The following MYO9B variants were observed in gnomAD, a reference collection of about 807,000 sequenced individuals.
The protein encoded by MYO9B is unconventional myosin-IXb.
Under a neutral mutation model 229.5 loss-of-function variants are expected in MYO9B, and 71 were observed. The ratio of observed to expected loss-of-function variants is 0.31; its 90% CI spans 0.26 to 0.38. The LOEUF (loss-of-function observed/expected upper bound fraction) is 0.38, where lower values mean the gene tolerates loss of function less well. Among genes scored for constraint, MYO9B ranks in the 10% least tolerant of loss-of-function variants. The pLI, the probability that MYO9B is intolerant of heterozygous loss-of-function variation, is 1.00. For synonymous variants in MYO9B, 1,185 were observed against 1,235.8 expected, an observed-to-expected ratio of 0.96 and a Z score of 0.86; for missense variants, 2,255 against 2,920.5, an observed-to-expected ratio of 0.77 and a Z score of 5.25.
At chr19:17,142,350 G>A (rs1303434679) in intron 2 of MYO9B, among the ~76,000 whole-genome samples, 1 of 152,060 alleles carries the variant, frequency 6.6e-6, no homozygotes, top group Non-Finnish European at 1.5e-5. Flanking sequence ...TCTCCTTTTC[G>A]GGGGATCAGA....
At chr19:17,121,844 G>A (rs1176131851) in intron 2 of MYO9B, among the ~76,000 whole-genome samples, 1 of 152,010 alleles carries the variant, frequency 6.6e-6, no homozygotes, top group Non-Finnish European at 1.5e-5. Context: ...CAATTGGCCC[G>A]GCACAGTGCT....
At chr19:17,145,552 C>A in intron 3 of MYO9B, 61 bp downstream of exon 3, 2 of 1,355,542 alleles carry the variant, frequency 1.5e-6, no homozygotes, top group Non-Finnish European at 2.1e-6. Flanking sequence ...TGCTTCCTGA[C>A]ACACACATGG....
chr19:17,146,196 T>G (rs2072408764), intron 3 of MYO9B, among the ~76,000 whole-genome samples: 1 of 151,488 alleles, frequency 6.6e-6, no homozygotes, highest in South Asian at 2.1e-4. Context: ...GATGGATGGA[T>G]GGATGGATGG....
chr19:17,101,640 G>A lies in MYO9B; in HGVS notation c.-58-20G>A, dbSNP rs2057745404. The A allele has an allele frequency of 1.4e-6, 2 of 1,464,216 alleles. No individual in the cohort carries two copies. Among genetic ancestry groups the A allele is most frequent in the African/African-American group, 2.8e-5 (2 of 70,524 alleles). The allele number at this position is 1,464,216 out of a possible 1,614,324, so 90.7% of individuals were successfully genotyped here. On this transcript the variant is annotated intron_variant, in intron 1 of 39. Coordinates refer to ENST00000682292, the MANE Select transcript of MYO9B (RefSeq NM_004145.4). The surrounding 1 kb of genome is among the most constrained non-coding windows in gnomAD (Gnocchi z 4.7). ...TCCTCCCACCATTCTGACCATGCCTGGCTCTGACCTCCCTTCTAGCTCCAG... is the reference window on the plus strand; with the variant it reads ...TCCTCCCACCATTCTGACCATGCCTAGCTCTGACCTCCCTTCTAGCTCCAG...
At chr19:17,162,235 G>A (rs1019705557) in intron 8 of MYO9B, 115 bp from the exon 9 acceptor site, 12 of 774,742 alleles carry the variant, frequency 1.5e-5, no homozygotes, top group Admixed American at 2.3e-5. Context: ...AACCCAGGAG[G>A]TGGAGGTTGC....
At chr19:17,092,722 C>CAAAAA (rs3067821) in intron 1 of MYO9B, among the ~76,000 whole-genome samples, 1 of 97,656 alleles carries the variant, frequency 1.0e-5, no homozygotes, top group Non-Finnish European at 2.1e-5. Flanking sequence ...AAGGCTCCGT[C>CAAAAA]AAAAAAAAAA....
At chr19:17,139,142 A>G (rs1193195133) in intron 2 of MYO9B, among the ~76,000 whole-genome samples, 1 of 152,140 alleles carries the variant, frequency 6.6e-6, no homozygotes, top group African/African-American at 2.4e-5. Flanking sequence ...ATGCCACTGC[A>G]CTCCAGCCTG....
Position 17,206,363 on chromosome 19 carries a change from C to T in MYO9B, c.5373C>T (p.Phe1791=), listed in dbSNP as rs756298108. The T allele has an allele frequency of 1.2e-6, 2 of 1,610,402 alleles. No individual in the cohort carries two copies. The highest frequency in any genetic ancestry group is 1.7e-6 in the Non-Finnish European group (2 of 1,179,572). The change falls in exon 33 of 40, where the codon TTC becomes TTT. Residue 1791 remains phenylalanine (F), a synonymous_variant. Coordinates refer to ENST00000682292, the MANE Select transcript of MYO9B (RefSeq NM_004145.4). The part of the protein sequence containing the change: ...PLMTFAQYGD[F]LRAVELPEKQ... ...TGACCTTCGCACAGTACGGCGACTT[C>T]CTCCGAGCCGTCGGTGAGCCCCATG...
intron 13 of MYO9B, among the ~76,000 whole-genome samples, chr19:17,175,037 G>A (rs1049176430): frequency 1.3e-5 from 2 of 151,884 alleles, no homozygotes; most frequent in African/African-American, 4.8e-5. Context: ...AGCACTTTAG[G>A]AGGCCAAGAC....
At chr19:17,210,920 G>A in intron 38 of MYO9B, 72 bp downstream of exon 38, 1 of 1,547,098 alleles carries the variant, frequency 6.5e-7, no homozygotes, top group Non-Finnish European at 8.7e-7. Context: ...CATCCCTGGT[G>A]GTCCGCTTGA....
At chr19:17,157,955 CG>C (rs2072555490) in intron 7 of MYO9B, among the ~76,000 whole-genome samples, 2 of 152,142 alleles carry the variant, frequency 1.3e-5, no homozygotes, top group South Asian at 4.1e-4. Flanking sequence ...CCTCCTCCAC[CG>C]GTTCTCAGCC....
Position 17,212,289 on chromosome 19 carries a change from C to G in MYO9B, c.6453C>G (p.Ala2151=), listed in dbSNP as rs777317443. The change falls in exon 40 of 40, where the codon GCC becomes GCG. Residue 2151 remains alanine, a synonymous_variant. Coordinates refer to ENST00000682292, the MANE Select transcript of MYO9B (RefSeq NM_004145.4). This position sits in a 1 kb window ranked among gnomAD's most constrained non-coding sequence, Gnocchi z 5.4. ...CCCCAACGTACTGCCTGCCCCCCGC[C>G]TCGGGCCAGACCAATGGCTGAGAGC... is the stretch of plus-strand genomic sequence containing the variant. ...SDPPTYCLPP[A]SGQTNG is the part of the protein sequence containing the mutation. 5.2e-6 allele frequency: 8 copies of G among 1,530,190 alleles called. No individual in the cohort carries two copies. The highest frequency in any genetic ancestry group is 7.0e-6 in the Non-Finnish European group (8 of 1,146,836). 94.8% of individuals were successfully genotyped at this position (1,530,190 alleles called of 1,614,324 possible).
rs1032226865 is a variant in MYO9B, at chr19:17,121,742, A to G, written c.840+19185A>G. 3.3e-5 allele frequency among the ~76,000 whole-genome samples: 5 copies of G among 152,074 alleles called. No homozygotes were observed. In the South Asian group the frequency reaches 6.2e-4, roughly 19 times the overall value. Reference sequence around the variant, plus strand: ...GGCTCACGCCGATAATTCCAGCACTATGGGAGGCTGAGGCGGTTGGATTGC... The same window carrying G: ...GGCTCACGCCGATAATTCCAGCACTGTGGGAGGCTGAGGCGGTTGGATTGC... On this transcript the variant is annotated intron_variant, in intron 2 of 39. Coordinates refer to ENST00000682292, the MANE Select transcript of MYO9B (RefSeq NM_004145.4).
At chr19:17,137,017 G>T (rs1381405172) in intron 2 of MYO9B, among the ~76,000 whole-genome samples, 1 of 152,122 alleles carries the variant, frequency 6.6e-6, no homozygotes, top group Non-Finnish European at 1.5e-5. Context: ...ATCACCTGAG[G>T]TCAGAAGTTC....
intron 13 of MYO9B, among the ~76,000 whole-genome samples, chr19:17,173,608 C>T (rs980080767): frequency 2.0e-5 from 3 of 152,030 alleles, no homozygotes; most frequent in Non-Finnish European, 4.4e-5. Flanking sequence ...CCAGCCCCAG[C>T]CTCTTCTCTT....
chr19:17,129,765 G>A (rs1163041101), intron 2 of MYO9B, among the ~76,000 whole-genome samples: 1 of 152,194 alleles, frequency 6.6e-6, no homozygotes, highest in African/African-American at 2.4e-5. Flanking sequence ...ATATGTCATA[G>A]TCTCTGTTCT....
chr19:17,197,770 C>T, intron 22 of MYO9B, 22 bp from the exon 23 acceptor site: 1 of 1,613,644 alleles, frequency 6.2e-7, no homozygotes, highest in African/African-American at 1.3e-5. Context: ...TCAGTAAAAG[C>T]CATGTTTCTG....
Position 17,212,387 on chromosome 19 carries a change from T to C in MYO9B, c.*77T>C, listed in dbSNP as rs1292991631. Reference sequence around the variant, plus strand: ...CTGGGCGCCAGAGCTGCAGAGCTAGTGTTCGGCCCTCAGAGAAGGATCCAG... The same window carrying C: ...CTGGGCGCCAGAGCTGCAGAGCTAGCGTTCGGCCCTCAGAGAAGGATCCAG... On this transcript the variant is annotated 3_prime_UTR_variant, in exon 40 of 40. Transcript: ENST00000682292. The surrounding 1 kb of genome is among the most constrained non-coding windows in gnomAD (Gnocchi z 5.4). 1 of 1,381,632 alleles carries C rather than the reference T, an allele frequency of 7.2e-7. No individual in the cohort carries two copies. Among genetic ancestry groups the C allele is most frequent in the Non-Finnish European group, 9.4e-7 (1 of 1,059,840 alleles). The allele number at this position is 1,381,632 out of a possible 1,614,324, so 85.6% of individuals were successfully genotyped here. A position where few individuals can be genotyped will look rare whatever the true frequency, so the allele number is the denominator to read the frequency against.
chr19:17,195,361 C>T lies in MYO9B; in HGVS notation c.3934C>T (p.Leu1312=), dbSNP rs751137000. 6.2e-7 allele frequency: 1 copy of T among 1,611,990 alleles called. No individual in the cohort carries two copies. The highest frequency in any genetic ancestry group is 8.5e-7 in the Non-Finnish European group (1 of 1,179,656). Residue 1312 remains leucine (L), a synonymous_variant, in exon 22 of 40, where the codon CTG becomes TTG. Coordinates refer to ENST00000682292, the MANE Select transcript of MYO9B (RefSeq NM_004145.4). The surrounding 1 kb of genome is among the most constrained non-coding windows in gnomAD (Gnocchi z 4.5). ...DAERLASAVE[L]WRGKKLVAAA... is the part of the protein sequence containing the mutation. ...CGAGCGGCTGGCCAGCGCCGTGGAACTGTGGCGGGGCAAGAAGCTGGTGGC... is the reference window on the plus strand; with the variant it reads ...CGAGCGGCTGGCCAGCGCCGTGGAATTGTGGCGGGGCAAGAAGCTGGTGGC...
Sources: allele counts gnomAD v4.1 joint callset (sites outside exome capture counted in the v4.1 genomes callset), GRCh38; gene constraint gnomAD v4.1.1; non-coding constraint Gnocchi (gnomAD v3.1); transcripts MANE v1.5; gene names NCBI Gene and HGNC (gene_info 2026-07-23, HGNC 2026-07-21).